Variants in SI observed in about 807,000 individuals in gnomAD.
SI encodes sucrase-isomaltase, intestinal.
Under a neutral mutation model 253.3 loss-of-function variants are expected in SI, and 235 were observed. The ratio of observed to expected loss-of-function variants is 0.93; its 90% CI spans 0.83 to 1.03. The LOEUF (loss-of-function observed/expected upper bound fraction) is 1.03, where lower values mean the gene tolerates loss of function less well. Ranked by LOEUF, SI falls within the 50% of genes least tolerant of loss-of-function variation. SI has a pLI of 0.00. For missense variants in SI, 2,442 were observed against 2,211.1 expected (o/e 1.10, Z -2.09); for synonymous variants, 819 against 712.0 (o/e 1.15, Z -2.39).
chr3:165,083,571 C>T, the SI span, among the ~76,000 whole-genome samples: 2 of 151,902 alleles, frequency 1.3e-5, no homozygotes, highest in Admixed American at 6.6e-5. Context: ...TTCCTTTACC[C>T]AGTGAACATT....
chr3:165,049,322 A>G, intron 14 of SI, 78 bp from the exon 15 acceptor site: 2 of 822,466 alleles, frequency 2.4e-6, no homozygotes, highest in South Asian at 3.0e-5. Context: ...TAAATGTCAT[A>G]TTCCTTTTCA....
the SI span, among the ~76,000 whole-genome samples, chr3:165,089,115 C>T: frequency 7.1e-6 from 1 of 141,004 alleles, no homozygotes; most frequent in Non-Finnish European, 1.5e-5. Context: ...TTGGTATATT[C>T]GTCTTCTTTG....
At chr3:164,998,476 C>T in intron 38 of SI, 64 bp downstream of exon 38, 2 of 1,536,876 alleles carry the variant, frequency 1.3e-6, no homozygotes, top group Non-Finnish European at 1.8e-6. Flanking sequence ...TGACCTAGCA[C>T]CAGCAAAAGT....
In SI at chr3:165,019,754, G is replaced by A; in HGVS notation, c.3271C>T (p.Pro1091Ser). ...SGRVIWDSWL[P>S]GFAFNDQFIQ... ...AACTGGTCATTAAAAGCAAATCCAG[G>A]CAGCCAAGAATCCCAACTGAAAACA... The change falls in exon 28 of 48, where the codon CCT becomes TCT. Residue 1091 changes from proline (P) to serine (S), a missense_variant. Coordinates refer to ENST00000264382, the MANE Select transcript of SI (RefSeq NM_001041.4). 1.2e-6 allele frequency: 2 copies of A among 1,612,362 alleles called. No homozygotes were observed. Among genetic ancestry groups the A allele is most frequent in the Non-Finnish European group, 1.7e-6 (2 of 1,178,894 alleles).
At chr3:164,991,543 T>C in intron 43 of SI, 66 bp from the exon 44 acceptor site, 1 of 1,518,618 alleles carries the variant, frequency 6.6e-7, no homozygotes, top group Non-Finnish European at 9.1e-7. Flanking sequence ...ACACTGGTAG[T>C]TGAGGATATA....
chr3:165,009,972 G>C (rs764178573), intron 34 of SI, among the ~76,000 whole-genome samples: 1 of 152,044 alleles, frequency 6.6e-6, no homozygotes, highest in Non-Finnish European at 1.5e-5. Context: ...TTTAGCAAAA[G>C]ATTGACCTGC....
chr3:165,018,013 C>A lies in SI; in HGVS notation c.3477G>T (p.Glu1159Asp), dbSNP rs747801687. 4 of 1,612,020 alleles carry A rather than the reference C, an allele frequency of 2.5e-6. No homozygotes were observed. The East Asian group carries it at 8.9e-5, about 36-fold the overall frequency. The change falls in exon 29 of 48, where the codon GAG (glutamate) becomes GAT (aspartate). Residue 1159 changes from glutamate to aspartate, a missense_variant. Coordinates refer to ENST00000264382, the MANE Select transcript of SI (RefSeq NM_001041.4). ...FHPYYMALEE[E>D]GNAHGVFLLN... is the part of the protein sequence containing the mutation. ...GTAAGAAAACACCATGAGCATTGCCCTCCTCTTCCAGAGCCATGTAATAGG... is the reference window on the plus strand; with the variant it reads ...GTAAGAAAACACCATGAGCATTGCCATCCTCTTCCAGAGCCATGTAATAGG...
At chr3:164,987,481 C>A (rs373552055) in intron 44 of SI, among the ~76,000 whole-genome samples, 1 of 152,116 alleles carries the variant, frequency 6.6e-6, no homozygotes, top group East Asian at 1.9e-4. Flanking sequence ...GAGGCCAAGG[C>A]GGGTGGATCA....
At chr3:165,026,511 C>T (rs1711928796) in intron 25 of SI, among the ~76,000 whole-genome samples, 1 of 151,272 alleles carries the variant, frequency 6.6e-6, no homozygotes, top group South Asian at 2.1e-4. Context: ...AACATTCTAC[C>T]CAACAACCAC....
intron 46 of SI, 113 bp downstream of exon 46, chr3:164,982,889 A>T: frequency 2.0e-6 from 2 of 1,018,602 alleles, no homozygotes; most frequent in Non-Finnish European, 2.9e-6. Flanking sequence ...GGCCTCAAGC[A>T]ATCCTCCCAT....
intron 16 of SI, 87 bp from the exon 17 acceptor site, chr3:165,043,262 G>T: frequency 1.2e-6 from 1 of 843,682 alleles, no homozygotes; most frequent in South Asian, 1.4e-5. Flanking sequence ...ACTGATGAAT[G>T]TGCCTTATAT....
intron 33 of SI, among the ~76,000 whole-genome samples, chr3:165,014,200 C>A (rs1339446377): frequency 6.6e-6 from 1 of 152,124 alleles, no homozygotes; most frequent in Non-Finnish European, 1.5e-5. Context: ...ATTCAAAAAG[C>A]CTCTCACATT....
intron 29 of SI, 41 bp downstream of exon 29, chr3:165,017,928 AG>A: frequency 6.3e-7 from 1 of 1,578,234 alleles, no homozygotes; most frequent in Non-Finnish European, 8.7e-7. Flanking sequence ...TTTATGAAAA[AG>A]TCACATAAAA....
intron 12 of SI, 105 bp from the exon 13 acceptor site, chr3:165,055,412 C>A (rs1426124609): frequency 2.9e-6 from 2 of 690,472 alleles, no homozygotes; most frequent in East Asian, 2.8e-5. Flanking sequence ...TAAAGTTATT[C>A]TACTTCTTTA....
intron 9 of SI, among the ~76,000 whole-genome samples, chr3:165,061,001 C>A (rs1357546579): frequency 6.6e-6 from 1 of 151,052 alleles, no homozygotes; most frequent in East Asian, 1.9e-4. Flanking sequence ...AAACTTATTT[C>A]AAACTTGATA....
chr3:165,086,861 C>A, the SI span, among the ~76,000 whole-genome samples: 3 of 152,126 alleles, frequency 2.0e-5, no homozygotes, highest in Non-Finnish European at 4.4e-5. Flanking sequence ...AGTGTGGAAA[C>A]TCTGTCAGCC....
intron 25 of SI, among the ~76,000 whole-genome samples, chr3:165,024,101 A>T (rs1012820624): frequency 1.3e-5 from 2 of 151,432 alleles, no homozygotes; most frequent in African/African-American, 2.4e-5. Context: ...TTTTGATTCC[A>T]TGTTTGTTCT....
chr3:165,030,808 A>T lies in SI; in HGVS notation c.2796T>A (p.Asn932Lys). 1 of 1,588,742 alleles carries T rather than the reference A, an allele frequency of 6.3e-7. No homozygotes were observed. Among genetic ancestry groups the T allele is most frequent in the South Asian group, 1.1e-5 (1 of 90,298 alleles). The stretch of plus-strand genomic sequence containing the variant: ...ATCTTTCATTTTCTGAGAAAATTTG[A>T]TTCCATTGAACACTAAAGTTTCTTC... ...NLGRNFSVQW[N>K]QIFSENERFN... The change falls in exon 25 of 48, where the codon AAT (asparagine) becomes AAA (lysine). Residue 932 changes from asparagine to lysine, a missense_variant. Coordinates refer to ENST00000264382, the MANE Select transcript of SI (RefSeq NM_001041.4).
At chr3:165,065,996 C>T (rs1327460327) in intron 6 of SI, among the ~76,000 whole-genome samples, 3 of 151,788 alleles carry the variant, frequency 2.0e-5, no homozygotes, top group Non-Finnish European at 4.4e-5. Flanking sequence ...CATATACAGT[C>T]AGCCCTCCAT....
Sources: gnomAD v4.1 joint callset for allele counts (sites outside exome capture counted in the v4.1 genomes callset) on GRCh38, gnomAD v4.1.1 for gene constraint, MANE v1.5 for transcripts, NCBI Gene and HGNC (gene_info 2026-07-23, HGNC 2026-07-21) for gene names.